Variants in GTPBP2 observed in about 807,000 individuals in gnomAD.
GTPBP2 encodes the protein GTP binding protein 2.
In GTPBP2, 32 loss-of-function variants were observed where a neutral mutation model predicts 63.0. That is an observed-to-expected ratio of 0.51 (90% CI 0.38 to 0.68). The LOEUF (loss-of-function observed/expected upper bound fraction) is 0.68, where lower values mean the gene tolerates loss of function less well. Ranked by LOEUF, GTPBP2 falls within the 30% of genes least tolerant of loss-of-function variation. The pLI is 0.00. For missense variants in GTPBP2, 492 were observed against 796.9 expected, an observed-to-expected ratio of 0.62 and a Z score of 4.61; for synonymous variants, 310 against 322.6, an observed-to-expected ratio of 0.96 and a Z score of 0.42.
chr6:43,621,261 G>A lies in GTPBP2; in HGVS notation c.*353C>T. On this transcript the variant is annotated 3_prime_UTR_variant, in exon 12 of 12. Transcript: ENST00000307126. The stretch of plus-strand genomic sequence containing the variant: ...CTGTTGTGACCATTCCTGAAGTGCA[G>A]AGACCACACCAGCAAAACATGCCCA... 2.1e-6 allele frequency: 1 copy of A among 472,156 alleles called. No individual in the cohort carries two copies. Among genetic ancestry groups the A allele is most frequent in the Non-Finnish European group, 4.0e-6 (1 of 252,918 alleles). 29.2% of individuals were successfully genotyped at this position (472,156 alleles called of 1,614,324 possible).
chr6:43,623,922 C>G lies in GTPBP2; in HGVS notation c.1236+11G>C. ...TTTCCCAGCCTATTAGATGTTTGGG[C>G]AGTCAACTACCTGGAACTCCGTCAG... On this transcript the variant is annotated intron_variant, in intron 8 of 11. Transcript: ENST00000307126. 6.2e-7 allele frequency: 1 copy of G among 1,613,580 alleles called. No individual in the cohort carries two copies. The highest frequency in any genetic ancestry group is 8.5e-7 in the Non-Finnish European group (1 of 1,179,618).
chr6:43,624,763 A>G lies in GTPBP2; in HGVS notation c.881-34T>C, dbSNP rs1769158016. On this transcript the variant is annotated intron_variant, in intron 6 of 11. Coordinates refer to ENST00000307126, the MANE Select transcript of GTPBP2 (RefSeq NM_019096.5). The surrounding 1 kb of genome is among the most constrained non-coding windows in gnomAD (Gnocchi z 5.1). ...TAAGGACAGCAAGCAGCAGGAGAGA[A>G]GAGTGAGAATGCAGGAGGGAGGAGA... 2 of 1,602,508 alleles carry G rather than the reference A, an allele frequency of 1.2e-6. No individual in the cohort carries two copies. The highest frequency in any genetic ancestry group is 2.7e-5 in the African/African-American group (2 of 74,662).
rs1318522075 is a variant in GTPBP2, at chr6:43,620,784, G to A, written c.*830C>T. The A allele has an allele frequency of 6.5e-6, 1 of 153,098 alleles. No individual in the cohort carries two copies. Among genetic ancestry groups the A allele is most frequent in the African/African-American group, 2.4e-5 (1 of 41,414 alleles). The allele number at this position is 153,098 out of a possible 1,614,324, so 9.5% of individuals were successfully genotyped here. ...AAAGTGGGGTGAGAGTGGTAGGATG[G>A]GGAACTCAGATGCCACCAGTCTGGG... On this transcript the variant is annotated 3_prime_UTR_variant, in exon 12 of 12. Coordinates refer to ENST00000307126, the MANE Select transcript of GTPBP2 (RefSeq NM_019096.5).
At position 43,626,983 on chromosome 6, in the gene GTPBP2, T is replaced by G. The variant is rs142264320; in HGVS notation, c.187-35A>C. On this transcript the variant is annotated intron_variant, in intron 1 of 11. Coordinates refer to ENST00000307126, the MANE Select transcript of GTPBP2 (RefSeq NM_019096.5). This position sits in a 1 kb window ranked among gnomAD's most constrained non-coding sequence, Gnocchi z 4.0. The stretch of plus-strand genomic sequence containing the variant: ...AACAGTGAGCAGTTACCATACACTG[T>G]ACAGACCCAATCCCTACTTCCCCTC... 441 of 1,580,698 alleles carry G rather than the reference T, an allele frequency of 2.8e-4. 2 individuals are homozygous for G. The East Asian group carries it at 3.4e-3, about 12-fold the overall frequency.
In GTPBP2 at chr6:43,627,363, T is replaced by A. The variant is rs190652101; in HGVS notation, c.187-415A>T. 8.0e-4 allele frequency: 795 copies of A among 997,758 alleles called. 2 individuals are homozygous for A. Among genetic ancestry groups the A allele is most frequent in the Non-Finnish European group, 8.9e-4 (744 of 837,894 alleles). 61.8% of individuals were successfully genotyped at this position (997,758 alleles called of 1,614,324 possible). On this transcript the variant is annotated intron_variant, in intron 1 of 11. Coordinates refer to ENST00000307126, the MANE Select transcript of GTPBP2 (RefSeq NM_019096.5). ...CACTGGTCTAGGAAACACCATTTCC[T>A]CCCTGCCTGCCCCTTTCAGCTGATG...
In GTPBP2 at chr6:43,624,703, G is replaced by A. The variant is rs1769151757; in HGVS notation, c.907C>T (p.Leu303=). The change falls in exon 7 of 12, where the codon CTG becomes TTG. Residue 303 remains leucine, a synonymous_variant. Coordinates refer to ENST00000307126, the MANE Select transcript of GTPBP2 (RefSeq NM_019096.5). The surrounding 1 kb of genome is among the most constrained non-coding windows in gnomAD (Gnocchi z 5.1). ...IAGTTREHLG[L]ALALKVPFFI... is the part of the protein sequence containing the mutation. The stretch of plus-strand genomic sequence containing the variant: ...AAGGGCACTTTCAGGGCCAGGGCCA[G>A]CCCCAGATGTTCCCTTGTGGTGCCA... The A allele has an allele frequency of 6.2e-7, 1 of 1,613,848 alleles. No homozygotes were observed. The highest frequency in any genetic ancestry group is 1.1e-5 in the South Asian group (1 of 91,078).
At position 43,629,028 on chromosome 6, in the gene GTPBP2, GTTC is replaced by G. The variant is rs1582356726; in HGVS notation, c.132_134del (p.Lys44del). 7 of 1,613,408 alleles carry G rather than the reference GTTC, an allele frequency of 4.3e-6. No individual in the cohort carries two copies. Among genetic ancestry groups the G allele is most frequent in the East Asian group, 4.5e-5 (2 of 44,856 alleles). On this transcript the variant is annotated inframe_deletion, in exon 1 of 12. Coordinates refer to ENST00000307126, the MANE Select transcript of GTPBP2 (RefSeq NM_019096.5). ...TGGCTTTGCCCCCTCTGTTCCTTCC[GTTC>G]TTCTTCTTTCCCTTTGGCCCCCCGC...
rs2127840908 is a variant in GTPBP2 at position 43,624,851 on chromosome 6, C to A, written c.880+37G>T. The A allele has an allele frequency of 6.2e-7, 1 of 1,603,532 alleles. No individual in the cohort carries two copies. Among genetic ancestry groups the A allele is most frequent in the East Asian group, 2.2e-5 (1 of 44,776 alleles). On this transcript the variant is annotated intron_variant, in intron 6 of 11. Transcript: ENST00000307126. The surrounding 1 kb of genome is among the most constrained non-coding windows in gnomAD (Gnocchi z 5.1). ...AGGCCCAGGGTAGGAGAGTCAGCAC[C>A]CCCCTTCAGCCCTGTCCCTGCCCTA...
At chr6:43,628,953 C>G (rs1238180184) in intron 1 of GTPBP2, 24 bp downstream of exon 1, 88 of 1,610,198 alleles carry the variant, frequency 5.5e-5, no homozygotes, top group Non-Finnish European at 7.3e-5. Context: ...CTTCTTCCCG[C>G]CCTACCACTT....
intron 8 of GTPBP2, 38 bp from the exon 9 acceptor site, chr6:43,623,833 T>C (rs1349182495): frequency 1.2e-6 from 2 of 1,610,462 alleles, no homozygotes; most frequent in Admixed American, 1.7e-5. Context: ...GCCTGCCAAG[T>C]AGGGCTGGTG....
In GTPBP2 at chr6:43,622,007, G is replaced by A. The variant is rs752222862; in HGVS notation, c.1628C>T (p.Ala543Val). 2.5e-6 allele frequency: 4 copies of A among 1,614,126 alleles called. No homozygotes were observed. In the South Asian group the frequency reaches 4.4e-5, roughly 18 times the overall value. Reference sequence around the variant, plus strand: ...GGAAGGCCAGGTCCCTCTCACCTTGGCATGGATCTTTTCCACCACTGCCGT... The same window carrying A: ...GGAAGGCCAGGTCCCTCTCACCTTGACATGGATCTTTTCCACCACTGCCGT... Reference protein sequence around the residue: ...RQTAVVEKIHAKDKLRTGEKA... With the variant: ...RQTAVVEKIHVKDKLRTGEKA... Residue 543 changes from alanine (A) to valine (V), a missense_variant, in exon 11 of 12, where the codon GCC (alanine) becomes GTC (valine). Physicochemically the swap from Ala to Val is moderately conservative, Grantham distance 64 (BLOSUM62 0). Transcript: ENST00000307126. This position sits in a 1 kb window ranked among gnomAD's most constrained non-coding sequence, Gnocchi z 5.4.
In GTPBP2 at chr6:43,629,131, C is replaced by A. The variant is rs765334403; in HGVS notation, c.32G>T (p.Gly11Val). The A allele has an allele frequency of 1.3e-6, 2 of 1,524,376 alleles. No individual in the cohort carries two copies. Among genetic ancestry groups the A allele is most frequent in the South Asian group, 2.5e-5 (2 of 81,418 alleles). 94.4% of individuals were successfully genotyped at this position (1,524,376 alleles called of 1,614,324 possible). A position where few individuals can be genotyped will look rare whatever the true frequency, so the allele number is the denominator to read the frequency against. Residue 11 changes from glycine (G) to valine (V), a missense_variant, in exon 1 of 12, where the codon GGC becomes GTC. Coordinates refer to ENST00000307126, the MANE Select transcript of GTPBP2 (RefSeq NM_019096.5). MDSRVSELFG[G>V]CCRPGGGPAV... ...CGGGCCCCCTCCGGGCCGGCAGCAG[C>A]CGCCGAACAGCTCCGATACCCGCGA...
Position 43,621,668 on chromosome 6 carries a change from G to C in GTPBP2, c.1755C>G (p.Val585=). Residue 585 remains valine, a synonymous_variant, in exon 12 of 12, where the codon GTC becomes GTG. Coordinates refer to ENST00000307126, the MANE Select transcript of GTPBP2 (RefSeq NM_019096.5). ...CTGCTGTAATGGCTTGTACATCAGTGACATGGCCGATGCCCTTGGTGACAC... is the reference window on the plus strand; with the variant it reads ...CTGCTGTAATGGCTTGTACATCAGTCACATGGCCGATGCCCTTGGTGACAC... ...REGVTKGIGH[V]TDVQAITAGE... 6.2e-7 allele frequency: 1 copy of C among 1,614,174 alleles called. No individual in the cohort carries two copies. Among genetic ancestry groups the C allele is most frequent in the African/African-American group, 1.3e-5 (1 of 75,044 alleles).
chr6:43,624,109 A>C lies in GTPBP2; in HGVS notation c.1101-41T>G. ...TGGAATGGACAGATGAAGACAGTCC[A>C]AACAGGAGGCAGAGGCCAGAGCCCC... is the stretch of plus-strand genomic sequence containing the variant. On this transcript the variant is annotated intron_variant, in intron 7 of 11. Transcript: ENST00000307126. This position sits in a 1 kb window ranked among gnomAD's most constrained non-coding sequence, Gnocchi z 5.1. 2 of 1,566,922 alleles carry C rather than the reference A, an allele frequency of 1.3e-6. No homozygotes were observed. The highest frequency in any genetic ancestry group is 1.7e-6 in the Non-Finnish European group (2 of 1,152,474).
In GTPBP2 at chr6:43,623,661, T is replaced by TA; in HGVS notation, c.1295+75_1295+76insT. The TA allele has an allele frequency of 3.7e-6, 4 of 1,067,050 alleles. No individual in the cohort carries two copies. The South Asian group carries it at 5.0e-5, about 13-fold the overall frequency. The allele number at this position is 1,067,050 out of a possible 1,614,324, so 66.1% of individuals were successfully genotyped here. On this transcript the variant is annotated intron_variant, in intron 9 of 11. Coordinates refer to ENST00000307126, the MANE Select transcript of GTPBP2 (RefSeq NM_019096.5). ...ATGGGTTCCGTTCAATTCCAGGGTCTCCTCCTTTGGGCCAGGATGTCTTTG... is the reference window on the plus strand; with the variant it reads ...ATGGGTTCCGTTCAATTCCAGGGTCTACCTCCTTTGGGCCAGGATGTCTTTG...
intron 1 of GTPBP2, among the ~76,000 whole-genome samples, chr6:43,628,194 T>C (rs1054955221): frequency 2.0e-5 from 3 of 152,004 alleles, no homozygotes; most frequent in Non-Finnish European, 4.4e-5. Context: ...TGAAACCCCA[T>C]CTCTACTAAA....
Position 43,621,699 on chromosome 6 carries a change from C to G in GTPBP2, c.1724G>C (p.Arg575Pro). ...GCCGATGCCCTTGGTGACACCCTCC[C>G]GGAACAGCAGTTTGGCGCCCACCTT... The part of the protein sequence containing the change: ...YLKVGAKLLF[R>P]EGVTKGIGHV... The change falls in exon 12 of 12, where the codon CGG (arginine) becomes CCG (proline). Residue 575 changes from arginine to proline, a missense_variant. By Grantham distance (103) the Arg-to-Pro change is moderately radical (BLOSUM62 -2). Transcript: ENST00000307126. 1 of 1,614,210 alleles carries G rather than the reference C, an allele frequency of 6.2e-7. No homozygotes were observed. Among genetic ancestry groups the G allele is most frequent in the Non-Finnish European group, 8.5e-7 (1 of 1,180,048 alleles).
At position 43,624,762 on chromosome 6, in the gene GTPBP2, A is replaced by G; in HGVS notation, c.881-33T>C. The stretch of plus-strand genomic sequence containing the variant: ...ATAAGGACAGCAAGCAGCAGGAGAG[A>G]AGAGTGAGAATGCAGGAGGGAGGAG... On this transcript the variant is annotated intron_variant, in intron 6 of 11. Coordinates refer to ENST00000307126, the MANE Select transcript of GTPBP2 (RefSeq NM_019096.5). This position sits in a 1 kb window ranked among gnomAD's most constrained non-coding sequence, Gnocchi z 5.1. The G allele has an allele frequency of 6.2e-7, 1 of 1,602,278 alleles. No homozygotes were observed. The highest frequency in any genetic ancestry group is 8.5e-7 in the Non-Finnish European group (1 of 1,170,056).
At chr6:43,630,000 ATTCCTCC>A (rs142151775), upstream of GTPBP2, among the ~76,000 whole-genome samples, 1 of 152,314 alleles carries the variant, frequency 6.6e-6, no homozygotes, top group East Asian at 1.9e-4. Context: ...CAAAGCGAGT[ATTCCTCC>A]TCCCCTTTGT....
Sources: allele counts gnomAD v4.1 joint callset (sites outside exome capture counted in the v4.1 genomes callset), GRCh38; gene constraint gnomAD v4.1.1; non-coding constraint Gnocchi (gnomAD v3.1); transcripts MANE v1.5; gene names NCBI Gene and HGNC (gene_info 2026-07-23, HGNC 2026-07-21).